The following MCTP1 variants were observed in gnomAD, a reference collection of about 807,000 sequenced individuals.
MCTP1 encodes multiple C2 and transmembrane domain-containing protein 1.
A neutral mutation model predicts 120.6 loss-of-function variants in MCTP1; 69 were observed. The observed-to-expected ratio is 0.57, with a 90% confidence interval of 0.47 to 0.70. The LOEUF is 0.70. MCTP1 is among the 30% of genes least tolerant of loss of function. The pLI is 0.00. For synonymous variants in MCTP1, 529 were observed against 493.1 expected (o/e 1.07, Z -0.96); for missense variants, 1,203 against 1,248.8 (o/e 0.96, Z 0.55).
intron 19 of MCTP1, among the ~76,000 whole-genome samples, chr5:94,741,613 G>A (rs994810941): frequency 2.0e-5 from 3 of 152,210 alleles, no homozygotes; most frequent in Non-Finnish European, 4.4e-5. Flanking sequence ...CTAAGAGCAT[G>A]ATTTTAAAAT....
At chr5:94,753,682 GCAAA>G (rs1297593230) in intron 19 of MCTP1, among the ~76,000 whole-genome samples, 4 of 152,086 alleles carry the variant, frequency 2.6e-5, no homozygotes, top group Non-Finnish European at 5.9e-5. Flanking sequence ...GCCTCTCTTA[GCAAA>G]CAAACTCTAC....
At position 94,705,229 on chromosome 5, in the gene MCTP1, AT is replaced by A. The variant is rs1754271195; in HGVS notation, c.*2266del. 1 of 151,550 alleles carries A rather than the reference AT, an allele frequency of 6.6e-6. No homozygotes were observed. The allele number at this position is 151,550 out of a possible 1,614,324, so 9.4% of individuals were successfully genotyped here. A position where few individuals can be genotyped will look rare whatever the true frequency, so the allele number is the denominator to read the frequency against. On this transcript the variant is annotated 3_prime_UTR_variant, in exon 23 of 23. Transcript: ENST00000515393. ...CTATGTGAGAAGGGGAAAGAAATAAATAGTTAAAATTTTAACTATACATATT... is the reference window on the plus strand; with the variant it reads ...CTATGTGAGAAGGGGAAAGAAATAAAAGTTAAAATTTTAACTATACATATT...
intron 10 of MCTP1, among the ~76,000 whole-genome samples, chr5:94,902,562 A>G (rs930001165): frequency 3.9e-5 from 6 of 152,224 alleles, no homozygotes; most frequent in Non-Finnish European, 7.3e-5. Context: ...TAATACATGT[A>G]TGAAGCTTTT....
intron 5 of MCTP1, among the ~76,000 whole-genome samples, chr5:94,937,499 C>G (rs532366568): frequency 6.6e-6 from 1 of 151,992 alleles, no homozygotes; most frequent in Non-Finnish European, 1.5e-5. Flanking sequence ...ATGTAACCCA[C>G]CTACTTTCTT....
chr5:95,201,332 A>C (rs1319362000), intron 1 of MCTP1, among the ~76,000 whole-genome samples: 1 of 152,178 alleles, frequency 6.6e-6, no homozygotes, highest in Non-Finnish European at 1.5e-5. Context: ...TCATTGATTC[A>C]TAGGCACATT....
intron 1 of MCTP1, among the ~76,000 whole-genome samples, chr5:95,256,316 C>A (rs1757881126): frequency 6.6e-6 from 1 of 152,192 alleles, no homozygotes; most frequent in Admixed American, 6.6e-5. Flanking sequence ...GGAAGCGGGG[C>A]ATGGCCCACT....
chr5:95,003,538 A>G (rs1169187848), intron 2 of MCTP1, among the ~76,000 whole-genome samples: 1 of 152,230 alleles, frequency 6.6e-6, no homozygotes, highest in Non-Finnish European at 1.5e-5. Flanking sequence ...TTATGTCTCT[A>G]GTTTTATGAA....
chr5:94,906,768 ACTCAG>A (rs1172709356), intron 10 of MCTP1, among the ~76,000 whole-genome samples: 2 of 152,214 alleles, frequency 1.3e-5, no homozygotes, highest in Non-Finnish European at 2.9e-5. Context: ...CAAATTTGGG[ACTCAG>A]CTCAGACAGT....
chr5:95,237,561 G>C (rs1330126027), intron 1 of MCTP1, among the ~76,000 whole-genome samples: 2 of 152,040 alleles, frequency 1.3e-5, no homozygotes, highest in Non-Finnish European at 2.9e-5. Flanking sequence ...AGAAGTTATG[G>C]CTGCTCTTTC....
At chr5:94,777,415 AT>A (rs1315597513) in intron 19 of MCTP1, among the ~76,000 whole-genome samples, 1 of 152,186 alleles carries the variant, frequency 6.6e-6, no homozygotes, top group African/African-American at 2.4e-5. Context: ...AAAAATGGCC[AT>A]AAAACGGGGA....
At position 94,953,068 on chromosome 5, in the gene MCTP1, CA is replaced by C. The variant is rs1292735564; in HGVS notation, c.981+150del. ...TGCTAGCTCCTCCTTCCCTCTATCT[CA>C]CTTCTATCATATTATCCATAGATTA... On this transcript the variant is annotated intron_variant, in intron 3 of 22. Coordinates refer to ENST00000515393, the MANE Select transcript of MCTP1 (RefSeq NM_024717.7). 8.1e-5 allele frequency: 51 copies of C among 633,054 alleles called. No homozygotes were observed. In the Middle Eastern group the frequency reaches 1.3e-3, roughly 16 times the overall value. 39.2% of individuals were successfully genotyped at this position (633,054 alleles called of 1,614,324 possible).
At chr5:95,139,155 T>A (rs1759703178) in intron 1 of MCTP1, among the ~76,000 whole-genome samples, 3 of 152,200 alleles carry the variant, frequency 2.0e-5, no homozygotes, top group Non-Finnish European at 2.9e-5. Context: ...AAAAGTTAGA[T>A]CTTCATGTTA....
intron 1 of MCTP1, among the ~76,000 whole-genome samples, chr5:95,129,884 C>T (rs924818088): frequency 6.6e-6 from 1 of 152,158 alleles, no homozygotes; most frequent in Non-Finnish European, 1.5e-5. Flanking sequence ...TGGTCTCGAA[C>T]TCCTGACCTC....
At chr5:95,165,295 T>A (rs1289188166) in intron 1 of MCTP1, among the ~76,000 whole-genome samples, 1 of 152,270 alleles carries the variant, frequency 6.6e-6, no homozygotes, top group African/African-American at 2.4e-5. Context: ...CAATTACTTT[T>A]GTGCCCACCT....
intron 2 of MCTP1, among the ~76,000 whole-genome samples, chr5:94,989,510 A>C (rs1561978810): frequency 6.6e-6 from 1 of 152,128 alleles, no homozygotes; most frequent in Non-Finnish European, 1.5e-5. Flanking sequence ...AAATCCTTGT[A>C]ATTTCTTGAG....
At chr5:94,753,496 C>G (rs1039692057) in intron 19 of MCTP1, among the ~76,000 whole-genome samples, 1 of 152,274 alleles carries the variant, frequency 6.6e-6, no homozygotes, top group South Asian at 2.1e-4. Flanking sequence ...AAGTGCAAAA[C>G]AGCTAAATGA....
chr5:94,886,777 A>G (rs1801443433), intron 12 of MCTP1, among the ~76,000 whole-genome samples: 1 of 152,212 alleles, frequency 6.6e-6, no homozygotes, highest in Non-Finnish European at 1.5e-5. Flanking sequence ...ATATCTTTAA[A>G]GTTCTTTGAA....
intron 17 of MCTP1, among the ~76,000 whole-genome samples, chr5:94,850,819 A>G (rs574336431): frequency 6.6e-6 from 1 of 152,210 alleles, no homozygotes; most frequent in African/African-American, 2.4e-5. Context: ...GATCATTTTA[A>G]TTGTTTTTGG....
intron 1 of MCTP1, among the ~76,000 whole-genome samples, chr5:95,104,238 T>G (rs1304279819): frequency 6.6e-6 from 1 of 152,192 alleles, no homozygotes; most frequent in Non-Finnish European, 1.5e-5. Flanking sequence ...GACCTGAACT[T>G]AAAATAGCTG....
Sources: allele counts gnomAD v4.1 joint callset (sites outside exome capture counted in the v4.1 genomes callset), GRCh38; gene constraint gnomAD v4.1.1; transcripts MANE v1.5; gene names NCBI Gene and HGNC (gene_info 2026-07-23, HGNC 2026-07-21).